Variants in TTLL4 observed in about 807,000 individuals in gnomAD.
TTLL4 encodes tubulin monoglutamylase TTLL4.
TTLL4 carries 85 observed loss-of-function variants against 122.7 expected under a neutral mutation model. That is an observed-to-expected ratio of 0.69 (90% CI 0.58 to 0.83). The LOEUF (loss-of-function observed/expected upper bound fraction) is 0.83, where lower values mean the gene tolerates loss of function less well. TTLL4 is among the 40% of genes least tolerant of loss of function. The pLI is 0.00. For missense variants in TTLL4, 1,363 were observed against 1,488.6 expected (o/e 0.92, Z 1.39); for synonymous variants, 553 against 563.0 (o/e 0.98, Z 0.25).
intron 18 of TTLL4, 84 bp downstream of exon 18, chr2:218,753,269 AT>A: frequency 7.0e-7 from 1 of 1,432,986 alleles, no homozygotes. Flanking sequence ...TTGGGTTGGT[AT>A]GTATAGGCCT....
chr2:218,729,781 G>T (rs569056012), intron 2 of TTLL4, among the ~76,000 whole-genome samples: 4 of 135,706 alleles, frequency 2.9e-5, no homozygotes, highest in Non-Finnish European at 6.3e-5. Context: ...AAAAAAACAG[G>T]ATCTTATTCT....
rs749145243 is a variant in TTLL4, at chr2:218,745,182, C to G, written c.1735C>G (p.Leu579Val). 3 of 1,614,170 alleles carry G rather than the reference C, an allele frequency of 1.9e-6. No homozygotes were observed. The highest frequency in any genetic ancestry group is 2.2e-5 in the East Asian group (1 of 44,874). ...TGTCCGACCAGCCCTCATCTACAGTCTCTTTCCCAACGTTCCCCCTACCAT... is the reference window on the plus strand; with the variant it reads ...TGTCCGACCAGCCCTCATCTACAGTGTCTTTCCCAACGTTCCCCCTACCAT... ...KVVRPALIYSLFPNVPPTIYF... is the reference protein window; with the variant it reads ...KVVRPALIYSVFPNVPPTIYF... Residue 579 changes from leucine (L) to valine (V), a missense_variant, in exon 6 of 20, where the codon CTC (leucine) becomes GTC (valine). Transcript: ENST00000392102.
In TTLL4 at chr2:218,754,497, C is replaced by A; in HGVS notation, c.*108C>A. The A allele has an allele frequency of 2.1e-6, 3 of 1,430,254 alleles. No individual in the cohort carries two copies. Among genetic ancestry groups the A allele is most frequent in the Non-Finnish European group, 2.8e-6 (3 of 1,056,158 alleles). 88.6% of individuals were successfully genotyped at this position (1,430,254 alleles called of 1,614,324 possible). Reference sequence around the variant, plus strand: ...GACCCCCTACCCCTTTCACCCTGTCCCTCCTCAGAGTATTTTTTGAAGTGG... The same window carrying A: ...GACCCCCTACCCCTTTCACCCTGTCACTCCTCAGAGTATTTTTTGAAGTGG... On this transcript the variant is annotated 3_prime_UTR_variant, in exon 20 of 20. Transcript: ENST00000392102.
downstream of TTLL4, among the ~76,000 whole-genome samples, chr2:218,757,474 C>G (rs1424215551): frequency 6.6e-6 from 1 of 152,178 alleles, no homozygotes; most frequent in Non-Finnish European, 1.5e-5. Context: ...TAAATTATTT[C>G]AAGAGAAGCT....
chr2:218,741,347 A>T (rs1029852162), intron 5 of TTLL4, among the ~76,000 whole-genome samples: 2 of 152,218 alleles, frequency 1.3e-5, no homozygotes, highest in African/African-American at 4.8e-5. Flanking sequence ...TAAAACCTGT[A>T]TATCACTGGG....
Position 218,737,963 on chromosome 2 carries a change from T to C in TTLL4, c.287T>C (p.Ile96Thr), listed in dbSNP as rs1275419989. Residue 96 changes from isoleucine (I) to threonine (T), a missense_variant, in exon 3 of 20, where the codon ATT (isoleucine) becomes ACT (threonine). By Grantham distance (89) the Ile-to-Thr change is moderately conservative (BLOSUM62 -1). Transcript: ENST00000392102. ...TGTAGCTCTGGGACCACGGCTGTCA[T>C]TGCAGGCCACAGCAGTTCCTGTTAC... The part of the protein sequence containing the change: ...TLCSSGTTAV[I>T]AGHSSSCYLH... 7 of 1,614,102 alleles carry C rather than the reference T, an allele frequency of 4.3e-6. No individual in the cohort carries two copies. The South Asian group carries it at 6.6e-5, about 15-fold the overall frequency.
chr2:218,746,392 G>A, intron 8 of TTLL4, 161 bp downstream of exon 8: 1 of 680,104 alleles, frequency 1.5e-6, no homozygotes. Flanking sequence ...TACAGTGAGA[G>A]ACTCCAGTGG....
intron 2 of TTLL4, among the ~76,000 whole-genome samples, chr2:218,728,725 C>G (rs1347124584): frequency 6.6e-6 from 1 of 152,158 alleles, no homozygotes; most frequent in South Asian, 2.1e-4. Flanking sequence ...GAACATACCT[C>G]CTATAGAGAG....
Position 218,745,136 on chromosome 2 carries a change from C to T in TTLL4, c.1689C>T (p.Pro563=). Residue 563 remains proline, a synonymous_variant, in exon 6 of 20, where the codon CCC becomes CCT. Coordinates refer to ENST00000392102, the MANE Select transcript of TTLL4 (RefSeq NM_014640.5). Reference sequence around the variant, plus strand: ...GCTGTATGGAAATTCTGACCAAACCCCTTTCCAATCATGAGAAAGTTGTCC... The same window carrying T: ...GCTGTATGGAAATTCTGACCAAACCTCTTTCCAATCATGAGAAAGTTGTCC... ...SRSCMEILTK[P]LSNHEKVVRP... 1 of 1,614,042 alleles carries T rather than the reference C, an allele frequency of 6.2e-7. No individual in the cohort carries two copies. Among genetic ancestry groups the T allele is most frequent in the Non-Finnish European group, 8.5e-7 (1 of 1,179,972 alleles).
chr2:218,756,767 AG>A (rs1236395620), downstream of TTLL4, among the ~76,000 whole-genome samples: 1 of 152,148 alleles, frequency 6.6e-6, no homozygotes, highest in Non-Finnish European at 1.5e-5. Flanking sequence ...GGAGGAAGGG[AG>A]GCGAGTGTTC....
At chr2:218,752,153 C>A (rs964010997) in intron 16 of TTLL4, among the ~76,000 whole-genome samples, 2 of 152,186 alleles carry the variant, frequency 1.3e-5, no homozygotes, top group African/African-American at 4.8e-5. Context: ...AGTGATCCGC[C>A]TGCCTCGGCC....
At chr2:218,751,887 C>CT (rs72027596) in intron 16 of TTLL4, 81 bp downstream of exon 16, 22,020 of 443,288 alleles carry the variant, frequency 0.05, 101 homozygotes, top group East Asian at 0.076. Flanking sequence ...AACAGCTTTT[C>CT]TTTTTTTTTT....
chr2:218,727,766 A>C (rs1278162961), intron 2 of TTLL4, among the ~76,000 whole-genome samples: 3 of 151,990 alleles, frequency 2.0e-5, no homozygotes, highest in Admixed American at 6.6e-5. Flanking sequence ...AAACAAAAAA[A>C]CCCTGCTATT....
At chr2:218,724,389 C>T (rs1419131678) in intron 1 of TTLL4, among the ~76,000 whole-genome samples, 3 of 152,176 alleles carry the variant, frequency 2.0e-5, no homozygotes, top group African/African-American at 7.2e-5. Context: ...AGCAAATGGA[C>T]TTACTTCTTG....
intron 3 of TTLL4, among the ~76,000 whole-genome samples, chr2:218,739,428 G>A (rs940850433): frequency 2.0e-5 from 3 of 152,168 alleles, no homozygotes; most frequent in Non-Finnish European, 4.4e-5. Context: ...TTGTTACGAT[G>A]GTAGAGCTGA....
At chr2:218,740,261 T>C in intron 4 of TTLL4, 94 bp downstream of exon 4, 1 of 1,222,792 alleles carries the variant, frequency 8.2e-7, no homozygotes, top group Non-Finnish European at 1.2e-6. Context: ...TGACTCACAT[T>C]ACCTACATCA....
Position 218,754,121 on chromosome 2 carries a change from C to G in TTLL4, c.3345-13C>G. ...GTGTCTCAGTCATTTCTTTCACCAC[C>G]TATTCCCTCCAGAAAACAAAGCTCC... On this transcript the variant is annotated splice_polypyrimidine_tract_variant and intron_variant, in intron 19 of 19. Transcript: ENST00000392102. The G allele has an allele frequency of 6.2e-7, 1 of 1,613,828 alleles. No homozygotes were observed. Among genetic ancestry groups the G allele is most frequent in the Non-Finnish European group, 8.5e-7 (1 of 1,179,786 alleles).
rs1366135983 is a variant in TTLL4, at chr2:218,733,201, A to C, written c.-98-4378A>C. ...CCTTATCCAACTTGCTATACTACAC[A>C]TCATGGGGACTGTATTAGTTCGTTC... On this transcript the variant is annotated intron_variant, in intron 2 of 19. Coordinates refer to ENST00000392102, the MANE Select transcript of TTLL4 (RefSeq NM_014640.5). 2.0e-5 allele frequency among the ~76,000 whole-genome samples: 3 copies of C among 152,092 alleles called. No individual in the cohort carries two copies. In the East Asian group the frequency reaches 5.8e-4, roughly 29 times the overall value.
At chr2:218,719,050 T>G (rs1347625285) in intron 1 of TTLL4, among the ~76,000 whole-genome samples, 4 of 152,224 alleles carry the variant, frequency 2.6e-5, no homozygotes, top group African/African-American at 9.7e-5. Flanking sequence ...ATTTTTATTT[T>G]TAACAGTTTT....
Sources: allele counts gnomAD v4.1 joint callset (sites outside exome capture counted in the v4.1 genomes callset), GRCh38; gene constraint gnomAD v4.1.1; transcripts MANE v1.5; gene names NCBI Gene and HGNC (gene_info 2026-07-23, HGNC 2026-07-21).